The following GPLD1 variants were observed in gnomAD, a reference collection of about 807,000 sequenced individuals.
GPLD1 encodes the protein glycosylphosphatidylinositol specific phospholipase D1.
A neutral mutation model predicts 112.6 loss-of-function variants in GPLD1; 84 were observed. The observed-to-expected ratio is 0.75, with a 90% CI of 0.63 to 0.89. GPLD1 has a LOEUF of 0.89. Among genes scored for constraint, GPLD1 ranks in the 40% least tolerant of loss-of-function variants. The pLI is 0.00. For synonymous variants in GPLD1, 386 were observed against 403.8 expected, an observed-to-expected ratio of 0.96 and a Z score of 0.53; for missense variants, 1,044 against 1,051.5, an observed-to-expected ratio of 0.99 and a Z score of 0.10.
At position 24,476,266 on chromosome 6, in the gene GPLD1, T is replaced by C. The variant is rs992039345; in HGVS notation, c.245A>G (p.Asp82Gly). The C allele has an allele frequency of 3.4e-5, 52 of 1,541,454 alleles. No homozygotes were observed. The highest frequency in any genetic ancestry group is 4.5e-5 in the Non-Finnish European group (51 of 1,130,160). The change falls in exon 4 of 25, where the codon GAT becomes GGT. Residue 82 changes from aspartate (D) to glycine (G), a missense_variant. Transcript: ENST00000230036. ...AGTCCAGTGAGTGCTCTCAGACACA[T>C]CATGGAATTTTCCTGACAAAACAAA... ...PSICKGGKFH[D>G]VSESTHWTPF...
At chr6:24,456,136 C>T (rs1325683784) in intron 13 of GPLD1, among the ~76,000 whole-genome samples, 1 of 152,182 alleles carries the variant, frequency 6.6e-6, no homozygotes, top group African/African-American at 2.4e-5. Context: ...CAGTGGCTCA[C>T]ACCTGCAATC....
rs986154290 is a variant in GPLD1, at chr6:24,448,057, C to T, written c.1522-24G>A. 5 of 1,613,342 alleles carry T rather than the reference C, an allele frequency of 3.1e-6. No individual in the cohort carries two copies. The African/African-American group carries it at 6.7e-5, about 22-fold the overall frequency. On this transcript the variant is annotated intron_variant, in intron 16 of 24. Transcript: ENST00000230036. The stretch of plus-strand genomic sequence containing the variant: ...TCCTTAAGAAGAAACCAGGAAAGCA[C>T]ATTTTACCCAGCCCTGGTGGCAGTT...
intron 10 of GPLD1, among the ~76,000 whole-genome samples, chr6:24,465,210 AAAAGAAAAGAAAAG>A (rs1763564681): frequency 1.0e-5 from 1 of 100,204 alleles, no homozygotes; most frequent in Non-Finnish European, 1.9e-5. Context: ...AAAAAAAAAA[AAAAGAAAAGAAAAG>A]AAAAGAAAAG....
intron 22 of GPLD1, among the ~76,000 whole-genome samples, chr6:24,436,361 C>T (rs1762578093): frequency 6.6e-6 from 1 of 152,208 alleles, no homozygotes; most frequent in Admixed American, 6.5e-5. Context: ...ACCTACATAA[C>T]ACCAAGTCCA....
chr6:24,463,046 C>T (rs577686818), intron 10 of GPLD1, among the ~76,000 whole-genome samples: 45 of 152,326 alleles, frequency 3.0e-4, no homozygotes, highest in African/African-American at 1.0e-3. Flanking sequence ...TCCCTCCCCG[C>T]TCCACCTGCT....
chr6:24,436,019 G>A (rs949795771), intron 22 of GPLD1: 2 of 152,166 alleles, frequency 1.3e-5, no homozygotes, highest in African/African-American at 4.8e-5. Flanking sequence ...CACTTTGTGA[G>A]GCCAGGTAGA....
Position 24,454,121 on chromosome 6 carries a change from T to C in GPLD1, c.1229A>G (p.His410Arg), listed in dbSNP as rs1062501. The C allele has an allele frequency of 1.2e-6, 2 of 1,614,090 alleles. No individual in the cohort carries two copies. Among genetic ancestry groups the C allele is most frequent in the Non-Finnish European group, 1.7e-6 (2 of 1,179,968 alleles). The change falls in exon 14 of 25, where the codon CAC becomes CGC. Residue 410 changes from histidine (H) to arginine (R), a missense_variant. His to Arg is a conservative substitution (Grantham distance 29). Transcript: ENST00000230036. ...VGAPGYSRPG[H>R]IHIGRVYLIY... ...GAGGTACACGCGCCCGATGTGGATG[T>C]GGCCGGGGCGGCTGTAGCCTGGTGC... is the stretch of plus-strand genomic sequence containing the variant.
chr6:24,468,718 C>G (rs1763701542), intron 7 of GPLD1, among the ~76,000 whole-genome samples: 1 of 152,046 alleles, frequency 6.6e-6, no homozygotes, highest in Non-Finnish European at 1.5e-5. Flanking sequence ...CATGCCTGGC[C>G]AAAACAACTG....
intron 1 of GPLD1, chr6:24,494,760 G>C (rs935998513): frequency 1.6e-5 from 6 of 382,162 alleles, no homozygotes; most frequent in African/African-American, 1.3e-4. Context: ...GGAGAAGGTC[G>C]CGCCAGGAGA....
downstream of GPLD1, chr6:24,425,401 A>G (rs559800138): frequency 4.9e-4 from 75 of 152,358 alleles, no homozygotes; most frequent in African/African-American, 1.6e-3. Flanking sequence ...AATCATGTCA[A>G]TAAAAGGAAA....
chr6:24,456,994 C>T (rs1561842202), intron 12 of GPLD1, among the ~76,000 whole-genome samples: 1 of 152,130 alleles, frequency 6.6e-6, no homozygotes, highest in Non-Finnish European at 1.5e-5. Context: ...CCTTAGCCTC[C>T]CTAGTAGCTG....
At chr6:24,475,365 G>A (rs1410853688) in intron 4 of GPLD1, 134 bp from the exon 5 acceptor site, 1 of 624,262 alleles carries the variant, frequency 1.6e-6, no homozygotes, top group Non-Finnish European at 2.8e-6. Context: ...GTAAATTGCA[G>A]TTTCTAGTTA....
At chr6:24,465,368 C>T (rs1763571745) in intron 10 of GPLD1, among the ~76,000 whole-genome samples, 1 of 151,624 alleles carries the variant, frequency 6.6e-6, no homozygotes, top group Non-Finnish European at 1.5e-5. Context: ...TGGTAAAACC[C>T]CATCTCTACC....
intron 2 of GPLD1, among the ~76,000 whole-genome samples, chr6:24,484,193 A>G (rs1038376093): frequency 4.6e-5 from 7 of 150,922 alleles, no homozygotes; most frequent in Admixed American, 3.3e-4. Flanking sequence ...GGGATTACTG[A>G]CGTGAGCCAC....
intron 10 of GPLD1, among the ~76,000 whole-genome samples, chr6:24,465,958 G>A (rs1763598372): frequency 6.6e-6 from 1 of 151,900 alleles, no homozygotes; most frequent in South Asian, 2.1e-4. Context: ...AGTGTAGTCA[G>A]GGTGGAGAGG....
intron 7 of GPLD1, among the ~76,000 whole-genome samples, chr6:24,468,063 C>T (rs773617478): frequency 5.9e-5 from 9 of 152,018 alleles, no homozygotes; most frequent in Non-Finnish European, 1.0e-4. Flanking sequence ...TGTGCCACCA[C>T]GCCCGGCTAA....
chr6:24,490,389 G>A (rs1188529469), upstream of GPLD1, among the ~76,000 whole-genome samples: 1 of 152,116 alleles, frequency 6.6e-6, no homozygotes, highest in South Asian at 2.1e-4. Flanking sequence ...AGCAAGAGAT[G>A]GGCTCCTAAA....
intron 14 of GPLD1, among the ~76,000 whole-genome samples, chr6:24,453,654 T>A (rs1320702791): frequency 1.3e-5 from 2 of 151,450 alleles, no homozygotes; most frequent in African/African-American, 4.9e-5. Flanking sequence ...ATAAATTAAT[T>A]AATTAAAATA....
rs536652426 is a variant in GPLD1 at position 24,448,061 on chromosome 6, T to C, written c.1522-28A>G. The C allele has an allele frequency of 2.2e-5, 35 of 1,613,382 alleles. No individual in the cohort carries two copies. In the African/African-American group the frequency reaches 3.7e-4, roughly 17 times the overall value. On this transcript the variant is annotated intron_variant, in intron 16 of 24. Transcript: ENST00000230036. ...TAAGAAGAAACCAGGAAAGCACATT[T>C]TACCCAGCCCTGGTGGCAGTTAGGA...
Sources: gnomAD v4.1 joint callset for allele counts (sites outside exome capture counted in the v4.1 genomes callset) on GRCh38, gnomAD v4.1.1 for gene constraint, MANE v1.5 for transcripts, NCBI Gene and HGNC (gene_info 2026-07-23, HGNC 2026-07-21) for gene names.